The following ERO1B variants were observed in gnomAD, a reference collection of about 807,000 sequenced individuals.
ERO1B encodes ERO1-like protein beta.
A neutral mutation model predicts 75.3 loss-of-function variants in ERO1B; 49 were observed. That is an observed-to-expected ratio of 0.65 (90% CI 0.52 to 0.83). The LOEUF is 0.83. ERO1B is among the 40% of genes least tolerant of loss of function. The pLI, the probability that ERO1B is intolerant of heterozygous loss-of-function variation, is 0.00. For synonymous variants in ERO1B, 191 were observed against 192.9 expected, an observed-to-expected ratio of 0.99 and a Z score of 0.08; for missense variants, 512 against 560.1, an observed-to-expected ratio of 0.91 and a Z score of 0.87.
At chr1:236,230,279 C>A (rs769681625) in intron 9 of ERO1B, 29 bp from the exon 10 acceptor site, 1 of 1,548,416 alleles carries the variant, frequency 6.5e-7, no homozygotes, top group South Asian at 1.1e-5. Flanking sequence ...TGGATTAAAA[C>A]ATTATATGGT....
intron 4 of ERO1B, 51 bp downstream of exon 4, chr1:236,251,999 G>GT (rs1665040828): frequency 7.7e-7 from 1 of 1,306,624 alleles, no homozygotes; most frequent in Admixed American, 2.1e-5. Context: ...TCAGTAAATG[G>GT]TAAGTTTCAC....
chr1:236,262,166 A>G (rs74819495), intron 2 of ERO1B, among the ~76,000 whole-genome samples: 2,080 of 152,360 alleles, frequency 0.014, 32 homozygotes, highest in African/African-American at 0.045. Context: ...TAGGAAGCCC[A>G]GAAATAAACC....
chr1:236,254,843 C>T (rs189676392), intron 2 of ERO1B, among the ~76,000 whole-genome samples: 27 of 152,086 alleles, frequency 1.8e-4, no homozygotes, highest in Admixed American at 1.8e-3. Flanking sequence ...GAACTCCTGA[C>T]CTCAGGTGAC....
chr1:236,277,423 G>A lies in ERO1B; in HGVS notation c.102+4259C>T, dbSNP rs994484696. Among the ~76,000 whole-genome samples, 134 of 148,392 alleles carry A rather than the reference G, an allele frequency of 9.0e-4. 1 individual carries two copies. In the South Asian group the frequency reaches 0.011, roughly 12 times the overall value. ...TACTCCAGGAAAAAAAAAAAAAAAAGAATGGACTAATACATGATGACAGTA... is the reference window on the plus strand; with the variant it reads ...TACTCCAGGAAAAAAAAAAAAAAAAAAATGGACTAATACATGATGACAGTA... On this transcript the variant is annotated intron_variant, in intron 1 of 15. Transcript: ENST00000354619.
intron 6 of ERO1B, among the ~76,000 whole-genome samples, chr1:236,239,896 T>C (rs1221117481): frequency 3.0e-5 from 4 of 133,510 alleles, no homozygotes; most frequent in Admixed American, 1.5e-4. Flanking sequence ...TGTGTGTATA[T>C]ATATATATAT....
At chr1:236,271,057 C>A (rs900467110) in intron 1 of ERO1B, among the ~76,000 whole-genome samples, 4 of 152,092 alleles carry the variant, frequency 2.6e-5, no homozygotes, top group African/African-American at 9.7e-5. Flanking sequence ...AGAATCTGAA[C>A]AAGATCAGTA....
chr1:236,239,877 A>ATATGTATATGTGTG (rs1572042468), intron 6 of ERO1B, among the ~76,000 whole-genome samples: 7 of 96,022 alleles, frequency 7.3e-5, no homozygotes, highest in Admixed American at 1.3e-4. Context: ...ATATGTGTAT[A>ATATGTATATGTGTG]TGTGTGTGTG....
chr1:236,267,556 C>T (rs564635706), intron 2 of ERO1B, among the ~76,000 whole-genome samples: 1 of 152,156 alleles, frequency 6.6e-6, no homozygotes. Context: ...GAGATGTGAA[C>T]TGGACCACTT....
At chr1:236,232,646 T>TA (rs398103838) in intron 9 of ERO1B, among the ~76,000 whole-genome samples, 182 bp downstream of exon 9, 2 of 150,756 alleles carry the variant, frequency 1.3e-5, no homozygotes, top group African/African-American at 4.9e-5. Context: ...CTTTTTTTTT[T>TA]AACATAGGAT....
Position 236,216,875 on chromosome 1 carries a change from A to G in ERO1B, c.*1641T>C, listed in dbSNP as rs1339477309. The G allele has an allele frequency of 6.6e-6, 1 of 151,976 alleles. No individual in the cohort carries two copies. The highest frequency in any genetic ancestry group is 6.6e-5 in the Admixed American group (1 of 15,232). 9.4% of individuals were successfully genotyped at this position (151,976 alleles called of 1,614,324 possible). ...TTAAGGCCCCCCTCCCCCACCATAC[A>G]ATACTTGCAACCCTCAAGAAAAAGT... On this transcript the variant is annotated 3_prime_UTR_variant, in exon 16 of 16. Coordinates refer to ENST00000354619, the MANE Select transcript of ERO1B (RefSeq NM_019891.4).
chr1:236,255,843 T>G (rs1412756146), intron 2 of ERO1B, among the ~76,000 whole-genome samples: 1 of 152,164 alleles, frequency 6.6e-6, no homozygotes, highest in African/African-American at 2.4e-5. Context: ...GACAAGGCAT[T>G]CATAGGTACC....
chr1:236,255,224 A>G (rs1227114024), intron 2 of ERO1B, among the ~76,000 whole-genome samples: 1 of 151,842 alleles, frequency 6.6e-6, no homozygotes, highest in Non-Finnish European at 1.5e-5. Context: ...GTGAGCCACC[A>G]TGCCCGGCCT....
intron 6 of ERO1B, among the ~76,000 whole-genome samples, chr1:236,242,258 A>T (rs1390125660): frequency 6.6e-6 from 1 of 152,192 alleles, no homozygotes; most frequent in Non-Finnish European, 1.5e-5. Flanking sequence ...TTATACTTTA[A>T]TCAAAGAATA....
intron 1 of ERO1B, among the ~76,000 whole-genome samples, chr1:236,270,197 G>T (rs1665560619): frequency 1.3e-5 from 2 of 152,196 alleles, no homozygotes; most frequent in Non-Finnish European, 2.9e-5. Flanking sequence ...CCATTTGGAA[G>T]AACATTTCTC....
chr1:236,256,493 T>TC (rs1665163532), intron 2 of ERO1B, among the ~76,000 whole-genome samples: 1 of 152,018 alleles, frequency 6.6e-6, no homozygotes, highest in African/African-American at 2.4e-5. Flanking sequence ...CTCCATGTGC[T>TC]CTAGAGACAA....
At chr1:236,220,771 C>G in intron 15 of ERO1B, 61 bp downstream of exon 15, 1 of 1,435,514 alleles carries the variant, frequency 7.0e-7, no homozygotes, top group Non-Finnish European at 9.2e-7. Flanking sequence ...AGAAGATTAT[C>G]TTTGCAGTTT....
intron 2 of ERO1B, among the ~76,000 whole-genome samples, chr1:236,254,881 G>A (rs1159809182): frequency 2.0e-5 from 3 of 151,412 alleles, no homozygotes; most frequent in Non-Finnish European, 4.4e-5. Flanking sequence ...CCAAAGTGCT[G>A]GGATTAGAGG....
rs1008659034 is a variant in ERO1B, at chr1:236,216,210, A to T, written c.*2306T>A. ...GTGGGTACAATCATTTCTGTCAGTT[A>T]TATTATCAAGTGCTGGGTTTTTAAA... On this transcript the variant is annotated 3_prime_UTR_variant, in exon 16 of 16. Coordinates refer to ENST00000354619, the MANE Select transcript of ERO1B (RefSeq NM_019891.4). 8 of 152,172 alleles carry T rather than the reference A, an allele frequency of 5.3e-5. No individual in the cohort carries two copies. The highest frequency in any genetic ancestry group is 1.9e-4 in the African/African-American group (8 of 41,462). 9.4% of individuals were successfully genotyped at this position (152,172 alleles called of 1,614,324 possible). A position where few individuals can be genotyped will look rare whatever the true frequency, so the allele number is the denominator to read the frequency against.
intron 10 of ERO1B, among the ~76,000 whole-genome samples, chr1:236,228,297 A>C (rs943559298): frequency 6.6e-6 from 1 of 152,206 alleles, no homozygotes; most frequent in Non-Finnish European, 1.5e-5. Context: ...GTATTTCCAC[A>C]AACTGTGAAA....
Sources: gnomAD v4.1 joint callset for allele counts (sites outside exome capture counted in the v4.1 genomes callset) on GRCh38, gnomAD v4.1.1 for gene constraint, MANE v1.5 for transcripts, NCBI Gene and HGNC (gene_info 2026-07-23, HGNC 2026-07-21) for gene names.